EMC1: variants seen among roughly 807,000 people sequenced by gnomAD.
EMC1 encodes the protein ER membrane protein complex subunit 1.
EMC1 carries 103 observed loss-of-function variants against 128.8 expected under a neutral mutation model. That is an observed-to-expected ratio of 0.80 (90% CI 0.68 to 0.94). The LOEUF (loss-of-function observed/expected upper bound fraction) is 0.94, where lower values mean the gene tolerates loss of function less well. Ranked by LOEUF, EMC1 falls within the 40% of genes least tolerant of loss-of-function variation. EMC1 has a pLI of 0.00. For missense variants in EMC1, 1,083 were observed against 1,250.6 expected, an observed-to-expected ratio of 0.87 and a Z score of 2.02; for synonymous variants, 442 against 490.4, an observed-to-expected ratio of 0.90 and a Z score of 1.30.
chr1:19,236,184 T>C (rs930959983), intron 12 of EMC1, among the ~76,000 whole-genome samples: 1 of 151,432 alleles, frequency 6.6e-6, no homozygotes, highest in Admixed American at 6.6e-5. Flanking sequence ...GAGACCAGCC[T>C]GGGCCAACAT....
chr1:19,243,823 G>A lies in EMC1; in HGVS notation c.287-116C>T. 7 of 1,416,074 alleles carry A rather than the reference G, an allele frequency of 4.9e-6. No individual in the cohort carries two copies. The Admixed American group carries it at 1.0e-4, about 21-fold the overall frequency. The allele number at this position is 1,416,074 out of a possible 1,614,324, so 87.7% of individuals were successfully genotyped here. ...TCTGGATGCAAATACATGTTAAACA[G>A]GTACCTGTCCTTCACTGTCAGGAGT... is the stretch of plus-strand genomic sequence containing the variant. On this transcript the variant is annotated intron_variant, in intron 3 of 22. Coordinates refer to ENST00000477853, the MANE Select transcript of EMC1 (RefSeq NM_015047.3).
At position 19,241,096 on chromosome 1, in the gene EMC1, C is replaced by A; in HGVS notation, c.556G>T (p.Val186Leu). The A allele has an allele frequency of 6.2e-7, 1 of 1,614,200 alleles. No individual in the cohort carries two copies. Among genetic ancestry groups the A allele is most frequent in the Non-Finnish European group, 8.5e-7 (1 of 1,180,034 alleles). The stretch of plus-strand genomic sequence containing the variant: ...AAGGGAACAACTCCGAGGGCCCACA[C>A]CACCCCAGAGCCGTAAGAATACACC... ...QMVYSYGSGV[V>L]WALGVVPFSH... Residue 186 changes from valine (V) to leucine (L), a missense_variant, in exon 6 of 23, where the codon GTG becomes TTG. Transcript: ENST00000477853.
chr1:19,233,550 T>C (rs943129085), intron 13 of EMC1, among the ~76,000 whole-genome samples: 2 of 152,230 alleles, frequency 1.3e-5, no homozygotes, highest in African/African-American at 4.8e-5. Flanking sequence ...ATATGTATCA[T>C]GAGCAGGTAC....
Position 19,216,789 on chromosome 1 carries a change from C to T in EMC1, c.*2514G>A, listed in dbSNP as rs571593641. On this transcript the variant is annotated 3_prime_UTR_variant, in exon 23 of 23. Transcript: ENST00000477853. ...CACTGCAGCCTCGACCTCCCAGGCTCAAGTGATCCTCCTACCTCAGCCTCC... is the reference window on the plus strand; with the variant it reads ...CACTGCAGCCTCGACCTCCCAGGCTTAAGTGATCCTCCTACCTCAGCCTCC... 2 of 152,366 alleles carry T rather than the reference C, an allele frequency of 1.3e-5. No individual in the cohort carries two copies. The highest frequency in any genetic ancestry group is 2.1e-4 in the South Asian group (1 of 4,824). 9.4% of individuals were successfully genotyped at this position (152,366 alleles called of 1,614,324 possible). A position where few individuals can be genotyped will look rare whatever the true frequency, so the allele number is the denominator to read the frequency against.
chr1:19,231,633 C>T (rs1311178445), intron 15 of EMC1, among the ~76,000 whole-genome samples: 2 of 152,002 alleles, frequency 1.3e-5, no homozygotes, highest in African/African-American at 2.4e-5. Context: ...AGTTCTTTTT[C>T]GTTTGAGACA....
chr1:19,235,358 A>T, intron 12 of EMC1, 106 bp from the exon 13 acceptor site: 1 of 1,213,912 alleles, frequency 8.2e-7, no homozygotes, highest in Non-Finnish European at 1.1e-6. Context: ...TCTTGAGCCC[A>T]GGAATTTGAG....
intron 1 of EMC1, among the ~76,000 whole-genome samples, chr1:19,249,423 T>C (rs1010953448): frequency 3.3e-5 from 5 of 152,202 alleles, no homozygotes; most frequent in Admixed American, 6.5e-5. Context: ...TGTGTTACAA[T>C]TGCCTACAGT....
chr1:19,235,130 C>A lies in EMC1; in HGVS notation c.1432G>T (p.Asp478Tyr). ...CAGCTCCAACCTCTTAGGTTCATAC[C>A]TGCCTTTTTGCCAAATTCTCCTTCC... ...ELEGEFGKKA[D>Y]GLLGMFLKRL... is the part of the protein sequence containing the mutation. The change falls in exon 13 of 23, where the codon GAT becomes TAT. Residue 478 changes from aspartate (D) to tyrosine (Y), a missense_variant and splice_region_variant. Around this residue, in one of 3 missense-constraint regions of EMC1, gnomAD observed 12 missense variants for 34.2 expected, o/e 0.35. Transcript: ENST00000477853. The A allele has an allele frequency of 6.2e-7, 1 of 1,613,538 alleles. No individual in the cohort carries two copies. Among genetic ancestry groups the A allele is most frequent in the Non-Finnish European group, 8.5e-7 (1 of 1,179,678 alleles).
Position 19,232,951 on chromosome 1 carries a change from TACCATC to T in EMC1, c.1611_1616del (p.Met538_Val539del), listed in dbSNP as rs2151949727. On this transcript the variant is annotated inframe_deletion, in exon 14 of 23. Coordinates refer to ENST00000477853, the MANE Select transcript of EMC1 (RefSeq NM_015047.3). ...CCCCACTCACCTTGCCTGAGGCTGT[TACCATC>T]ACCATCATCTTCTGGAGGTTGAATT... The T allele has an allele frequency of 6.2e-7, 1 of 1,614,136 alleles. No individual in the cohort carries two copies. Among genetic ancestry groups the T allele is most frequent in the Non-Finnish European group, 8.5e-7 (1 of 1,179,968 alleles).
rs2093398980 is a variant in EMC1, at chr1:19,216,699, T to G, written c.*2604A>C. 1.3e-5 allele frequency: 2 copies of G among 152,172 alleles called. No individual in the cohort carries two copies. Among genetic ancestry groups the G allele is most frequent in the South Asian group, 4.1e-4 (2 of 4,830 alleles). The allele number at this position is 152,172 out of a possible 1,614,324, so 9.4% of individuals were successfully genotyped here. ...AATACTAAAACAAACTAGTTTTTGTTTTTGTTTTTGAGCCAGGGTCTCACT... is the reference window on the plus strand; with the variant it reads ...AATACTAAAACAAACTAGTTTTTGTGTTTGTTTTTGAGCCAGGGTCTCACT... On this transcript the variant is annotated 3_prime_UTR_variant, in exon 23 of 23. Coordinates refer to ENST00000477853, the MANE Select transcript of EMC1 (RefSeq NM_015047.3).
rs1241868526 is a variant in EMC1 at position 19,230,944 on chromosome 1, G to A, written c.1964C>T (p.Thr655Ile). 6.2e-7 allele frequency: 1 copy of A among 1,614,198 alleles called. No homozygotes were observed. Among genetic ancestry groups the A allele is most frequent in the Non-Finnish European group, 8.5e-7 (1 of 1,180,050 alleles). Reference protein sequence around the residue: ...DEYKVTAFPATRNVLRQLHEL... With the variant: ...DEYKVTAFPAIRNVLRQLHEL... The stretch of plus-strand genomic sequence containing the variant: ...ATGTAGCTGTCGCAAGACATTCCGA[G>A]TGGCTGGAAAAGCTGTGACCTTGAA... Residue 655 changes from threonine (T) to isoleucine (I), a missense_variant, in exon 17 of 23, where the codon ACT becomes ATT. Transcript: ENST00000477853.
intron 17 of EMC1, among the ~76,000 whole-genome samples, chr1:19,228,486 G>A (rs986894055): frequency 6.6e-6 from 1 of 152,082 alleles, no homozygotes; most frequent in Non-Finnish European, 1.5e-5. Flanking sequence ...CGGAGCCCTT[G>A]GGGGTGGAGA....
At chr1:19,250,864 C>T (rs1198074725) in intron 1 of EMC1, among the ~76,000 whole-genome samples, 1 of 152,052 alleles carries the variant, frequency 6.6e-6, no homozygotes, top group African/African-American at 2.4e-5. Context: ...TTAAGGAAGA[C>T]GTGGGTGGGT....
At chr1:19,234,463 G>C (rs2151951423) in intron 13 of EMC1, among the ~76,000 whole-genome samples, 1 of 152,342 alleles carries the variant, frequency 6.6e-6, no homozygotes, top group East Asian at 1.9e-4. Context: ...TCTCCAGACA[G>C]ATATGGCTGC....
chr1:19,239,982 G>C lies in EMC1; in HGVS notation c.790C>G (p.Leu264Val). The change falls in exon 8 of 23, where the codon CTC (leucine) becomes GTC (valine). Residue 264 changes from leucine (L) to valine (V), a missense_variant. Around this residue, in one of 3 missense-constraint regions of EMC1, gnomAD observed 544 missense variants for 572.4 expected, o/e 0.95. Transcript: ENST00000477853. ...WELRQIPLQS[L>V]DLEFGSGFQP... ...AATCCACTTCCAAATTCTAAGTCGA[G>C]AGACTGGAAGGCAAGAAGGAGGAGG... 4 of 1,610,050 alleles carry C rather than the reference G, an allele frequency of 2.5e-6. No homozygotes were observed. The highest frequency in any genetic ancestry group is 2.2e-5 in the East Asian group (1 of 44,752).
chr1:19,218,624 C>G lies in EMC1; in HGVS notation c.*679G>C, dbSNP rs996458752. ...GCAACAAACAAGACGCTAGTATGCA[C>G]TTGGCTTCTGATAAATTGAAACAAA... On this transcript the variant is annotated 3_prime_UTR_variant, in exon 23 of 23. Coordinates refer to ENST00000477853, the MANE Select transcript of EMC1 (RefSeq NM_015047.3). 6.6e-6 allele frequency: 1 copy of G among 151,758 alleles called. No individual in the cohort carries two copies. The highest frequency in any genetic ancestry group is 1.5e-5 in the Non-Finnish European group (1 of 67,826). 9.4% of individuals were successfully genotyped at this position (151,758 alleles called of 1,614,324 possible).
intron 12 of EMC1, 78 bp from the exon 13 acceptor site, chr1:19,235,330 G>A: frequency 1.4e-6 from 2 of 1,456,332 alleles, no homozygotes; most frequent in Non-Finnish European, 1.9e-6. Context: ...CACTTTGGGA[G>A]GCCAAGGTGG....
At chr1:19,250,218 CAAAAAAAAAAAAAAA>C (rs55743743) in intron 1 of EMC1, among the ~76,000 whole-genome samples, 4 of 48,244 alleles carry the variant, frequency 8.3e-5, no homozygotes, top group Middle Eastern at 0.042. Context: ...AAAACTGTCT[CAAAAAAAAAAAAAAA>C]AAAAAAAAAA....
intron 1 of EMC1, among the ~76,000 whole-genome samples, chr1:19,247,918 G>A (rs1485889546): frequency 1.3e-5 from 2 of 152,038 alleles, no homozygotes; most frequent in African/African-American, 4.8e-5. Flanking sequence ...CAGCTACTTG[G>A]GAGGCTGAGA....
Sources: allele counts gnomAD v4.1 joint callset (sites outside exome capture counted in the v4.1 genomes callset), GRCh38; gene constraint gnomAD v4.1.1; regional missense constraint gnomAD v4.1.1; transcripts MANE v1.5; gene names NCBI Gene and HGNC (gene_info 2026-07-23, HGNC 2026-07-21).